TPO: variants seen among roughly 807,000 people sequenced by gnomAD.
The protein encoded by TPO is thyroid peroxidase.
In TPO, 78 loss-of-function variants were observed where a neutral mutation model predicts 96.9. The observed-to-expected ratio is 0.81, with a 90% CI of 0.67 to 0.97. The LOEUF is 0.97. Among genes scored for constraint, TPO ranks in the 50% least tolerant of loss-of-function variants. TPO has a pLI of 0.00. For synonymous variants in TPO, 547 were observed against 538.0 expected (o/e 1.02, Z -0.23); for missense variants, 1,252 against 1,274.8 (o/e 0.98, Z 0.27).
At chr2:1,526,843 A>C (rs1573562504) in intron 15 of TPO, among the ~76,000 whole-genome samples, 2 of 58,888 alleles carry the variant, frequency 3.4e-5, no homozygotes, top group African/African-American at 7.9e-5. Context: ...AATCCTCCCC[A>C]CTCTGTGCAA....
At chr2:1,486,414 T>A (rs2124839863) in intron 9 of TPO, among the ~76,000 whole-genome samples, 1 of 152,092 alleles carries the variant, frequency 6.6e-6, no homozygotes, top group South Asian at 2.1e-4. Flanking sequence ...GGCAGATGCC[T>A]GTAGTCAGCT....
At chr2:1,521,778 A>G (rs2125098079) in intron 15 of TPO, among the ~76,000 whole-genome samples, 1 of 152,124 alleles carries the variant, frequency 6.6e-6, no homozygotes, top group Non-Finnish European at 1.5e-5. Context: ...GACCTGGGGA[A>G]GGACCTGCGC....
chr2:1,506,587 G>C, intron 14 of TPO, among the ~76,000 whole-genome samples: 1 of 152,234 alleles, frequency 6.6e-6, no homozygotes, highest in Non-Finnish European at 1.5e-5. Flanking sequence ...CAACTGGTGT[G>C]AGATGGTATC....
rs34465338 is a variant in TPO at position 1,400,621 on chromosome 2, C to CAAA, written n.180+26231_180+26233dup. On this transcript the variant is annotated intron_variant and non_coding_transcript_variant, in intron 1 of 5. Coordinates refer to the TPO transcript ENST00000497517. ...TTGTGACTTTACATTACATGCGTCT[C>CAAA]AAAAAAAAAAAAAACAAATTTCACT... Among the ~76,000 whole-genome samples, 240 of 126,774 alleles carry CAAA rather than the reference C, an allele frequency of 1.9e-3. 2 individuals carry two copies. The highest frequency in any genetic ancestry group is 6.8e-3 in the African/African-American group (227 of 33,622). The allele number at this position is 126,774 out of a possible 152,430, so 83.2% of individuals were successfully genotyped here. A position where few individuals can be genotyped will look rare whatever the true frequency, so the allele number is the denominator to read the frequency against.
Position 1,375,318 on chromosome 2 carries a change from T to C in TPO, n.180+916T>C, listed in dbSNP as rs145879382. Among the ~76,000 whole-genome samples the C allele has an allele frequency of 2.1e-3, 325 of 152,142 alleles. 12 individuals carry two copies. In the East Asian group the frequency reaches 0.058, roughly 27 times the overall value. On this transcript the variant is annotated intron_variant and non_coding_transcript_variant, in intron 1 of 5. Coordinates refer to the TPO transcript ENST00000497517. ...GAGGATTTATTTTGGTTTACAGTAT[T>C]GTAAGCCAAAAAGTGACCGAAGCAG...
chr2:1,476,936 T>A lies in TPO; in HGVS notation c.820-150T>A, dbSNP rs1257131698. The A allele has an allele frequency of 4.2e-6, 4 of 953,104 alleles. No homozygotes were observed. In the African/African-American group the frequency reaches 5.3e-5, roughly 13 times the overall value. 59.0% of individuals were successfully genotyped at this position (953,104 alleles called of 1,614,324 possible). On this transcript the variant is annotated intron_variant, in intron 7 of 16. Coordinates refer to ENST00000329066, the MANE Select transcript of TPO (RefSeq NM_001206744.2). The stretch of plus-strand genomic sequence containing the variant: ...CCGGTAAGCAGGCCGGGGGGGGAGG[T>A]GAGGGGACTGGCTGGACTGACCCCT...
chr2:1,524,907 T>C (rs1397590844), intron 15 of TPO, among the ~76,000 whole-genome samples: 1 of 64,904 alleles, frequency 1.5e-5, no homozygotes, highest in Non-Finnish European at 2.9e-5. Context: ...TACAACCTCC[T>C]CAAATCTCCC....
chr2:1,540,545 G>GTCACGGTGCCGGACCCTC, intron 15 of TPO, 49 bp from the exon 16 acceptor site: 1 of 1,608,032 alleles, frequency 6.2e-7, no homozygotes, highest in Non-Finnish European at 8.5e-7. Flanking sequence ...ACCCTCCACA[G>GTCACGGTGCCGGACCCTC]TCACGGTGCC....
chr2:1,466,181 G>A (rs1668876353), intron 7 of TPO, among the ~76,000 whole-genome samples: 1 of 152,102 alleles, frequency 6.6e-6, no homozygotes, highest in Non-Finnish European at 1.5e-5. Context: ...CTGCTTACAT[G>A]GTGTATCACA....
intron 2 of TPO, among the ~76,000 whole-genome samples, chr2:1,418,392 A>C (rs1385985112): frequency 6.6e-6 from 1 of 152,170 alleles, no homozygotes; most frequent in East Asian, 1.9e-4. Flanking sequence ...GAGAATAAGA[A>C]GGGAAAGATC....
intron 5 of TPO, among the ~76,000 whole-genome samples, chr2:1,443,092 G>A (rs1264709239): frequency 6.6e-6 from 1 of 152,188 alleles, no homozygotes; most frequent in African/African-American, 2.4e-5. Context: ...ACAAAAAATT[G>A]TGTTATTTCT....
chr2:1,537,443 C>T (rs1680020282), intron 15 of TPO, among the ~76,000 whole-genome samples: 24 of 70,240 alleles, frequency 3.4e-4, no homozygotes, highest in South Asian at 1.7e-3. Flanking sequence ...TGCAAACTCC[C>T]AAATCTCCCC....
chr2:1,417,945 C>G (rs1338975680), intron 2 of TPO, among the ~76,000 whole-genome samples: 2 of 129,176 alleles, frequency 1.5e-5, no homozygotes, highest in East Asian at 4.8e-4. Flanking sequence ...ATCTGCAATC[C>G]CAACACAGTA....
At chr2:1,516,465 C>T (rs967392440) in intron 14 of TPO, among the ~76,000 whole-genome samples, 5 of 152,166 alleles carry the variant, frequency 3.3e-5, no homozygotes, top group African/African-American at 1.2e-4. Context: ...AGCGTTATAC[C>T]GCGTCCCTTA....
rs1026395586 is a variant in TPO, at chr2:1,515,227, G to C, written c.2519-1656G>C. On this transcript the variant is annotated intron_variant, in intron 14 of 16. Transcript: ENST00000329066. ...CGGAGCCCCCACCTCTAGCAGCCAT[G>C]GGGGTGAGAGCGAGTAGCAGCAGAT... Among the ~76,000 whole-genome samples the C allele has an allele frequency of 7.2e-5, 11 of 152,346 alleles. No individual in the cohort carries two copies. In the South Asian group the frequency reaches 1.9e-3, roughly 26 times the overall value.
Position 1,499,102 on chromosome 2 carries a change from A to G in TPO, c.2386+2337A>G, listed in dbSNP as rs988448245. 6.6e-5 allele frequency among the ~76,000 whole-genome samples: 10 copies of G among 152,292 alleles called. No individual in the cohort carries two copies. The East Asian group carries it at 1.2e-3, about 18-fold the overall frequency. On this transcript the variant is annotated intron_variant, in intron 13 of 16. Transcript: ENST00000329066. ...TGAATGACCCCAAAGTGCTACTCACAGGCATCTTCAAGGTGCAAATAAAAG... is the reference window on the plus strand; with the variant it reads ...TGAATGACCCCAAAGTGCTACTCACGGGCATCTTCAAGGTGCAAATAAAAG...
chr2:1,437,728 G>A (rs913836279), intron 5 of TPO, among the ~76,000 whole-genome samples: 1 of 152,232 alleles, frequency 6.6e-6, no homozygotes, highest in Non-Finnish European at 1.5e-5. Context: ...GTGAGGATCT[G>A]ATCTTAGGAC....
At chr2:1,436,425 G>A (rs1426130118) in intron 5 of TPO, 41 bp downstream of exon 5, 3 of 1,613,570 alleles carry the variant, frequency 1.9e-6, no homozygotes, top group Non-Finnish European at 8.5e-7. Context: ...GTGAAAGTTG[G>A]ATCTGAACAT....
At position 1,452,828 on chromosome 2, in the gene TPO, C is replaced by T. The variant is rs544162570; in HGVS notation, c.483-866C>T. 9.8e-5 allele frequency among the ~76,000 whole-genome samples: 15 copies of T among 152,336 alleles called. No individual in the cohort carries two copies. In the South Asian group the frequency reaches 2.9e-3, roughly 29 times the overall value. Reference sequence around the variant, plus strand: ...TTCTAGAAGATGCTCTGAGACATATCAAGTGACTGTTAATTGTGCCTACAC... The same window carrying T: ...TTCTAGAAGATGCTCTGAGACATATTAAGTGACTGTTAATTGTGCCTACAC... On this transcript the variant is annotated intron_variant, in intron 5 of 16. Coordinates refer to ENST00000329066, the MANE Select transcript of TPO (RefSeq NM_001206744.2).
Sources: allele counts gnomAD v4.1 joint callset (sites outside exome capture counted in the v4.1 genomes callset), GRCh38; gene constraint gnomAD v4.1.1; transcripts MANE v1.5; gene names NCBI Gene and HGNC (gene_info 2026-07-23, HGNC 2026-07-21).